DPH6: variants seen among roughly 807,000 people sequenced by gnomAD.
DPH6 encodes diphthine--ammonia ligase.
A neutral mutation model predicts 38.2 loss-of-function variants in DPH6; 33 were observed. The ratio of observed to expected loss-of-function variants is 0.86; its 90% CI spans 0.65 to 1.15. The LOEUF is 1.15. Ranked by LOEUF, DPH6 falls within the 50% of genes most tolerant of loss-of-function variation. DPH6 has a pLI of 0.00. For synonymous variants in DPH6, 108 were observed against 103.0 expected, an observed-to-expected ratio of 1.05 and a Z score of -0.30; for missense variants, 325 against 320.0, an observed-to-expected ratio of 1.02 and a Z score of -0.12.
At chr15:35,419,886 A>G (rs1442111118) in intron 5 of DPH6, among the ~76,000 whole-genome samples, 1 of 152,190 alleles carries the variant, frequency 6.6e-6, no homozygotes, top group Non-Finnish European at 1.5e-5. Flanking sequence ...AAACTTCCAG[A>G]CAGAAAATCA....
At chr15:35,543,576 C>T (rs567317152) in intron 1 of DPH6, among the ~76,000 whole-genome samples, 1 of 152,124 alleles carries the variant, frequency 6.6e-6, no homozygotes, top group East Asian at 1.9e-4. Context: ...GCCTGCAAAT[C>T]CCCAGGCAAT....
intron 3 of DPH6, chr15:35,519,615 T>C (rs1461737758): frequency 6.6e-6 from 1 of 152,178 alleles, no homozygotes; most frequent in Non-Finnish European, 1.5e-5. Context: ...AATGTCTACT[T>C]AGGAAAAAGG....
chr15:35,325,284 T>C (rs1326188464), intron 3 of DPH6, among the ~76,000 whole-genome samples: 1 of 152,160 alleles, frequency 6.6e-6, no homozygotes, highest in Non-Finnish European at 1.5e-5. Flanking sequence ...ATAATTCTAA[T>C]GAACAAAGCT....
At chr15:35,317,385 AGAAAGAAAAG>A (rs1400165859) in intron 3 of DPH6, among the ~76,000 whole-genome samples, 2 of 146,066 alleles carry the variant, frequency 1.4e-5, no homozygotes, top group Non-Finnish European at 3.0e-5. Flanking sequence ...GGAAAGAAAA[AGAAAGAAAAG>A]GAAAGAAAAA....
chr15:35,327,837 T>C (rs2052297429), downstream of DPH6, among the ~76,000 whole-genome samples: 1 of 152,204 alleles, frequency 6.6e-6, no homozygotes, highest in Non-Finnish European at 1.5e-5. Context: ...TGAGTAACTT[T>C]AGAGTGAGCA....
At chr15:35,527,234 AAGG>A (rs2055017095) in intron 3 of DPH6, among the ~76,000 whole-genome samples, 1 of 152,182 alleles carries the variant, frequency 6.6e-6, no homozygotes, top group South Asian at 2.1e-4. Context: ...CTAGAGAATG[AAGG>A]AGAAGACCTG....
intron 3 of DPH6, among the ~76,000 whole-genome samples, chr15:35,295,898 ATTAC>A (rs1212565817): frequency 2.6e-5 from 4 of 151,880 alleles, no homozygotes; most frequent in Admixed American, 6.5e-5. Flanking sequence ...TGAACATCAT[ATTAC>A]TTACTATGTC....
chr15:35,439,563 C>T (rs973081757), intron 5 of DPH6, among the ~76,000 whole-genome samples: 1 of 152,174 alleles, frequency 6.6e-6, no homozygotes, highest in Non-Finnish European at 1.5e-5. Context: ...AGGAATCAAG[C>T]TCAACTTGCA....
At chr15:35,158,534 C>T in the DPH6 span, among the ~76,000 whole-genome samples, 1 of 151,926 alleles carries the variant, frequency 6.6e-6, no homozygotes. Flanking sequence ...TTCTCTACAG[C>T]TTATGCTGTT....
chr15:35,406,095 G>A (rs1198489626), intron 6 of DPH6, among the ~76,000 whole-genome samples: 2 of 151,954 alleles, frequency 1.3e-5, no homozygotes, highest in African/African-American at 4.8e-5. Context: ...TATGCCATGA[G>A]GCAAGAGAAA....
At chr15:35,153,189 A>G in the DPH6 span, among the ~76,000 whole-genome samples, 2 of 152,214 alleles carry the variant, frequency 1.3e-5, no homozygotes, top group Non-Finnish European at 2.9e-5. Context: ...GTCACTGTAC[A>G]AAAAAGAGGT....
At chr15:35,154,531 C>G in the DPH6 span, among the ~76,000 whole-genome samples, 1 of 152,076 alleles carries the variant, frequency 6.6e-6, no homozygotes, top group Non-Finnish European at 1.5e-5. Context: ...ACTTTTGTTT[C>G]ATAATTTTAA....
At chr15:35,294,169 A>G (rs1488724859) in intron 3 of DPH6, among the ~76,000 whole-genome samples, 1 of 152,032 alleles carries the variant, frequency 6.6e-6, no homozygotes, top group Non-Finnish European at 1.5e-5. Context: ...TGCCACTCCT[A>G]TCCCCCTTTC....
intron 3 of DPH6, among the ~76,000 whole-genome samples, chr15:35,225,806 T>G (rs992618239): frequency 2.6e-5 from 4 of 152,244 alleles, no homozygotes; most frequent in Admixed American, 1.3e-4. Flanking sequence ...ATTTGAAAAT[T>G]TGACTTTTCT....
rs139286806 is a variant in DPH6, at chr15:35,382,249, C to G, written c.568-333G>C. 3.3e-3 allele frequency among the ~76,000 whole-genome samples: 497 copies of G among 152,140 alleles called. 2 individuals carry two copies. Among genetic ancestry groups the G allele is most frequent in the African/African-American group, 0.011 (477 of 41,504 alleles). ...AGGAGATCGAGACCATCCTGGCTAA[C>G]ATGGTGAAACACCGTCTCTACTAAA... On this transcript the variant is annotated intron_variant, in intron 6 of 8. Coordinates refer to ENST00000256538, the MANE Select transcript of DPH6 (RefSeq NM_080650.4).
chr15:35,292,845 A>G (rs1039522689), intron 3 of DPH6, among the ~76,000 whole-genome samples: 4 of 152,098 alleles, frequency 2.6e-5, no homozygotes, highest in African/African-American at 9.7e-5. Context: ...AAAATCTGGC[A>G]TTTCTCATCT....
intron 5 of DPH6, among the ~76,000 whole-genome samples, chr15:35,438,297 G>A (rs576237420): frequency 6.0e-5 from 9 of 150,972 alleles, no homozygotes; most frequent in East Asian, 3.9e-4. Flanking sequence ...TCTCTCTTTC[G>A]TCCAGGCTGG....
intron 3 of DPH6, among the ~76,000 whole-genome samples, chr15:35,534,416 T>C (rs2055137779): frequency 1.3e-5 from 2 of 150,868 alleles, no homozygotes; most frequent in South Asian, 4.2e-4. Flanking sequence ...CACCAGTATT[T>C]CAGGAAACGA....
chr15:35,504,460 CTCT>C (rs2054667784), intron 3 of DPH6, among the ~76,000 whole-genome samples: 2 of 151,774 alleles, frequency 1.3e-5, no homozygotes, highest in South Asian at 2.1e-4. Flanking sequence ...TGATCTCTTT[CTCT>C]TCTTCTGTAT....
Sources: gnomAD v4.1 joint callset for allele counts (sites outside exome capture counted in the v4.1 genomes callset) on GRCh38, gnomAD v4.1.1 for gene constraint, MANE v1.5 for transcripts, NCBI Gene and HGNC (gene_info 2026-07-23, HGNC 2026-07-21) for gene names.